SPIDR: variants seen among roughly 807,000 people sequenced by gnomAD.
SPIDR encodes the protein DNA repair-scaffolding protein.
Under a neutral mutation model 104.6 loss-of-function variants are expected in SPIDR, and 93 were observed. The observed-to-expected ratio is 0.89, with a 90% CI of 0.75 to 1.06. SPIDR has a LOEUF of 1.06. Ranked by LOEUF, SPIDR falls within the 50% of genes least tolerant of loss-of-function variation. The pLI, the probability that SPIDR is intolerant of heterozygous loss-of-function variation, is 0.00. For missense variants in SPIDR, 1,154 were observed against 1,111.2 expected, an observed-to-expected ratio of 1.04 and a Z score of -0.55; for synonymous variants, 431 against 416.9, an observed-to-expected ratio of 1.03 and a Z score of -0.41.
At chr8:47,427,018 G>C (rs2066520572) in intron 7 of SPIDR, among the ~76,000 whole-genome samples, 1 of 152,026 alleles carries the variant, frequency 6.6e-6, no homozygotes, top group Non-Finnish European at 1.5e-5. Context: ...TTATTTCTTA[G>C]GATTTGTAAA....
intron 8 of SPIDR, among the ~76,000 whole-genome samples, chr8:47,562,279 A>G (rs888678031): frequency 2.0e-5 from 3 of 152,208 alleles, no homozygotes; most frequent in Non-Finnish European, 4.4e-5. Flanking sequence ...CTAATTTTAA[A>G]TAGTTTTTGT....
At chr8:47,399,686 A>C (rs1263301559) in intron 6 of SPIDR, among the ~76,000 whole-genome samples, 1 of 152,182 alleles carries the variant, frequency 6.6e-6, no homozygotes, top group Non-Finnish European at 1.5e-5. Flanking sequence ...GCAGAGCACA[A>C]GGATGGTCCA....
intron 5 of SPIDR, among the ~76,000 whole-genome samples, chr8:47,324,506 A>T (rs886075144): frequency 6.6e-6 from 1 of 152,204 alleles, no homozygotes; most frequent in Non-Finnish European, 1.5e-5. Flanking sequence ...GTGAAATTAG[A>T]TCTTTTGATT....
At chr8:47,431,602 G>C (rs917723239) in intron 7 of SPIDR, among the ~76,000 whole-genome samples, 9 of 152,192 alleles carry the variant, frequency 5.9e-5, no homozygotes, top group Non-Finnish European at 1.0e-4. Flanking sequence ...GCTAGGCTTT[G>C]ACTGCTCTCG....
intron 8 of SPIDR, among the ~76,000 whole-genome samples, chr8:47,588,295 A>T (rs1423510026): frequency 6.7e-6 from 1 of 148,792 alleles, no homozygotes; most frequent in Admixed American, 6.7e-5. Context: ...GTTTTGTGAG[A>T]TTCACACTGA....
chr8:47,713,109 AC>A, intron 15 of SPIDR: 1 of 1,075,720 alleles, frequency 9.3e-7, no homozygotes, highest in Non-Finnish European at 1.2e-6. Flanking sequence ...TGCTGGTGGC[AC>A]CCCATACTGC....
intron 8 of SPIDR, among the ~76,000 whole-genome samples, chr8:47,585,292 A>G (rs1277606745): frequency 6.6e-6 from 1 of 152,214 alleles, no homozygotes; most frequent in Non-Finnish European, 1.5e-5. Context: ...GATACTGACC[A>G]TTGTTAATTG....
At chr8:47,635,307 C>A (rs1416107832) in intron 10 of SPIDR, among the ~76,000 whole-genome samples, 2 of 152,064 alleles carry the variant, frequency 1.3e-5, no homozygotes, top group South Asian at 2.1e-4. Context: ...TTATGCCACT[C>A]CTCTCCAGCC....
chr8:47,381,099 A>C (rs1554645218), intron 5 of SPIDR, among the ~76,000 whole-genome samples: 1 of 152,200 alleles, frequency 6.6e-6, no homozygotes, highest in African/African-American at 2.4e-5. Flanking sequence ...TTCTACATGA[A>C]TTAATGTGTG....
At chr8:47,644,918 C>A (rs1588751108) in intron 10 of SPIDR, among the ~76,000 whole-genome samples, 2 of 152,144 alleles carry the variant, frequency 1.3e-5, no homozygotes, top group East Asian at 1.9e-4. Context: ...GCAAAGACAC[C>A]AGCTATTGCA....
intron 8 of SPIDR, among the ~76,000 whole-genome samples, chr8:47,540,202 AAT>A (rs2087826324): frequency 1.3e-5 from 2 of 152,228 alleles, no homozygotes; most frequent in Non-Finnish European, 1.5e-5. Flanking sequence ...CAAAACTTCC[AAT>A]GAAACAGAAG....
chr8:47,688,016 A>ATGTGT (rs1554578540), intron 11 of SPIDR, among the ~76,000 whole-genome samples: 4 of 145,762 alleles, frequency 2.7e-5, no homozygotes, highest in East Asian at 2.0e-4. Context: ...AAAAAAAAAA[A>ATGTGT]GTGTGTGTGT....
rs534391689 is a variant in SPIDR at position 47,636,096 on chromosome 8, A to G, written c.1544+36900A>G. Among the ~76,000 whole-genome samples, 14 of 152,324 alleles carry G rather than the reference A, an allele frequency of 9.2e-5. No homozygotes were observed. The South Asian group carries it at 2.7e-3, about 29-fold the overall frequency. On this transcript the variant is annotated intron_variant, in intron 10 of 19. Transcript: ENST00000297423. ...CAGTTCTATCAGTATCATTTTTCCA[A>G]CAGCATGTGTTCACCTCATGTCTCT...
chr8:47,396,133 C>T (rs1251728256), intron 5 of SPIDR, among the ~76,000 whole-genome samples: 1 of 152,100 alleles, frequency 6.6e-6, no homozygotes, highest in Non-Finnish European at 1.5e-5. Flanking sequence ...AGTATTTGTA[C>T]TTATTTTTGT....
intron 8 of SPIDR, chr8:47,511,683 G>A: frequency 1.1e-6 from 1 of 884,050 alleles, no homozygotes; most frequent in Non-Finnish European, 1.9e-6. Context: ...CAAGGCCATA[G>A]CCATCTCCGG....
intron 10 of SPIDR, among the ~76,000 whole-genome samples, chr8:47,618,884 A>G (rs1359161916): frequency 1.3e-5 from 2 of 152,260 alleles, no homozygotes; most frequent in Admixed American, 1.3e-4. Flanking sequence ...GATTATTATA[A>G]TAAATGAACA....
At chr8:47,374,946 C>T (rs11775514) in intron 5 of SPIDR, among the ~76,000 whole-genome samples, 74,345 of 151,844 alleles carry the variant, frequency 0.49, 22,271 homozygotes, top group Non-Finnish European at 0.67. Context: ...GTCCCAGCTA[C>T]TCAGGAGGCT....
intron 1 of SPIDR, among the ~76,000 whole-genome samples, chr8:47,275,237 G>A (rs1351962585): frequency 6.6e-6 from 1 of 151,486 alleles, no homozygotes; most frequent in Non-Finnish European, 1.5e-5. Flanking sequence ...CCAGCCTGGG[G>A]GAGAGAGCGA....
chr8:47,485,668 C>A (rs550503106), intron 8 of SPIDR, among the ~76,000 whole-genome samples: 3 of 152,214 alleles, frequency 2.0e-5, no homozygotes, highest in Non-Finnish European at 2.9e-5. Flanking sequence ...TCCAGAGGAA[C>A]GATCAGGCAG....
Sources: gnomAD v4.1 joint callset for allele counts (sites outside exome capture counted in the v4.1 genomes callset) on GRCh38, gnomAD v4.1.1 for gene constraint, MANE v1.5 for transcripts, NCBI Gene and HGNC (gene_info 2026-07-23, HGNC 2026-07-21) for gene names.